The following CDKAL1 variants were observed in gnomAD, a reference collection of about 807,000 sequenced individuals.
CDKAL1 encodes the protein CDKAL1 threonylcarbamoyladenosine tRNA methylthiotransferase.
CDKAL1 carries 32 observed loss-of-function variants against 68.2 expected under a neutral mutation model. The observed-to-expected ratio is 0.47, with a 90% CI of 0.35 to 0.63. CDKAL1 has a LOEUF of 0.63. Ranked by LOEUF, CDKAL1 falls within the 30% of genes least tolerant of loss-of-function variation. The pLI, the probability that CDKAL1 is intolerant of heterozygous loss-of-function variation, is 0.00. For missense variants in CDKAL1, 606 were observed against 696.7 expected, an observed-to-expected ratio of 0.87 and a Z score of 1.47; for synonymous variants, 234 against 244.3, an observed-to-expected ratio of 0.96 and a Z score of 0.39.
chr6:20,788,054 G>A (rs952614293), intron 8 of CDKAL1, among the ~76,000 whole-genome samples: 1 of 152,110 alleles, frequency 6.6e-6, no homozygotes, highest in African/African-American at 2.4e-5. Flanking sequence ...TGTCTTTTAT[G>A]CTATTAACTA....
chr6:20,684,128 A>C (rs557590346), intron 5 of CDKAL1, among the ~76,000 whole-genome samples: 2 of 152,270 alleles, frequency 1.3e-5, no homozygotes, highest in Non-Finnish European at 2.9e-5. Context: ...GGTTGTTTCT[A>C]AGTTTTGGCA....
chr6:20,833,966 C>T (rs947858942), intron 8 of CDKAL1, among the ~76,000 whole-genome samples: 4 of 152,166 alleles, frequency 2.6e-5, no homozygotes, highest in Non-Finnish European at 5.9e-5. Flanking sequence ...TCAGCACAGA[C>T]TTCCTGAATG....
intron 9 of CDKAL1, among the ~76,000 whole-genome samples, chr6:20,861,743 C>A (rs1164602252): frequency 2.0e-5 from 3 of 152,158 alleles, no homozygotes; most frequent in Non-Finnish European, 4.4e-5. Context: ...TGTGCTGGGG[C>A]TTGTTCTTGT....
intron 8 of CDKAL1, among the ~76,000 whole-genome samples, chr6:20,826,724 T>C (rs557758329): frequency 8.5e-5 from 13 of 152,208 alleles, no homozygotes; most frequent in Non-Finnish European, 1.6e-4. Flanking sequence ...GAAGCTTATA[T>C]GTTGAAAATC....
intron 5 of CDKAL1, among the ~76,000 whole-genome samples, chr6:20,672,334 G>A (rs1032744059): frequency 7.7e-6 from 1 of 129,424 alleles, no homozygotes; most frequent in Non-Finnish European, 1.6e-5. Flanking sequence ...TTCTCTCTCT[G>A]TCTCTCTCTC....
intron 5 of CDKAL1, among the ~76,000 whole-genome samples, chr6:20,657,051 A>G (rs2127767210): frequency 6.6e-6 from 1 of 152,304 alleles, no homozygotes; most frequent in South Asian, 2.1e-4. Context: ...TGACATTTAT[A>G]CATATAAAAT....
At chr6:20,766,551 T>C (rs1774712652) in intron 7 of CDKAL1, among the ~76,000 whole-genome samples, 1 of 152,180 alleles carries the variant, frequency 6.6e-6, no homozygotes, top group East Asian at 1.9e-4. Context: ...TGCCTACTCT[T>C]AATTACACTT....
intron 8 of CDKAL1, among the ~76,000 whole-genome samples, chr6:20,842,872 C>T (rs1366760568): frequency 6.6e-6 from 1 of 152,158 alleles, no homozygotes; most frequent in Non-Finnish European, 1.5e-5. Flanking sequence ...ATCATGTCAA[C>T]AACTATAATT....
chr6:20,536,966 G>C (rs1763198064), intron 2 of CDKAL1, among the ~76,000 whole-genome samples: 1 of 152,182 alleles, frequency 6.6e-6, no homozygotes, highest in African/African-American at 2.4e-5. Flanking sequence ...AAAAGATATT[G>C]ATGCCCAGGC....
chr6:21,088,852 G>A (rs1293981614), intron 12 of CDKAL1, among the ~76,000 whole-genome samples: 1 of 152,188 alleles, frequency 6.6e-6, no homozygotes, highest in Non-Finnish European at 1.5e-5. Flanking sequence ...TGAGGTGGGA[G>A]AAGCACTTGA....
chr6:20,860,649 C>A (rs927324554), intron 9 of CDKAL1, among the ~76,000 whole-genome samples: 3 of 151,850 alleles, frequency 2.0e-5, no homozygotes, highest in African/African-American at 4.8e-5. Context: ...CATGGTGAAA[C>A]CCCTTCCCTA....
chr6:21,104,868 C>T (rs1773768946), intron 12 of CDKAL1, among the ~76,000 whole-genome samples: 1 of 152,118 alleles, frequency 6.6e-6, no homozygotes, highest in Non-Finnish European at 1.5e-5. Context: ...AAATCAAAAC[C>T]TACATTAAGT....
chr6:20,734,704 A>G (rs752901097), intron 5 of CDKAL1, among the ~76,000 whole-genome samples: 18 of 152,294 alleles, frequency 1.2e-4, no homozygotes, highest in Non-Finnish European at 2.5e-4. Flanking sequence ...TTAGAATTTT[A>G]AAGCCAAATT....
chr6:20,538,209 T>G (rs1350349325), intron 2 of CDKAL1, among the ~76,000 whole-genome samples: 1 of 152,064 alleles, frequency 6.6e-6, no homozygotes, highest in African/African-American at 2.4e-5. Context: ...TTGTTGTTAG[T>G]GTGGTTGAGC....
At chr6:20,675,324 T>C (rs2127785290) in intron 5 of CDKAL1, among the ~76,000 whole-genome samples, 1 of 152,338 alleles carries the variant, frequency 6.6e-6, no homozygotes, top group South Asian at 2.1e-4. Context: ...TCTGGTCCTT[T>C]TGCTTTTTTG....
Position 20,739,599 on chromosome 6 carries a change from G to T in CDKAL1, c.452G>T (p.Gly151Val). The T allele has an allele frequency of 6.2e-7, 1 of 1,608,848 alleles. No individual in the cohort carries two copies. The highest frequency in any genetic ancestry group is 1.1e-5 in the South Asian group (1 of 90,736). ...QAQPRQDYLK[G>V]LSIIGVQQID... Reference sequence around the variant, plus strand: ...CAGCCTCGCCAGGACTACCTTAAGGGACTGAGTATCATTGGGGTAAGCTTG... The same window carrying T: ...CAGCCTCGCCAGGACTACCTTAAGGTACTGAGTATCATTGGGGTAAGCTTG... Residue 151 changes from glycine to valine, a missense_variant, in exon 6 of 16, where the codon GGA (glycine) becomes GTA (valine). Transcript: ENST00000274695.
chr6:20,754,581 G>A (rs1467051354), intron 6 of CDKAL1, among the ~76,000 whole-genome samples: 1 of 151,998 alleles, frequency 6.6e-6, no homozygotes, highest in Non-Finnish European at 1.5e-5. Flanking sequence ...ATATTTATTG[G>A]CCATAAGTAT....
intron 5 of CDKAL1, among the ~76,000 whole-genome samples, chr6:20,706,051 G>C (rs1771579382): frequency 6.6e-6 from 1 of 152,174 alleles, no homozygotes; most frequent in South Asian, 2.1e-4. Flanking sequence ...CCAAGGTGAT[G>C]ATGAGGGCCG....
chr6:21,060,560 T>C (rs764232940), intron 11 of CDKAL1, among the ~76,000 whole-genome samples: 165 of 152,228 alleles, frequency 1.1e-3, no homozygotes, highest in Non-Finnish European at 2.1e-3. Flanking sequence ...ATTTTCTTTA[T>C]TTGTCTTTTC....
Sources: gnomAD v4.1 joint callset for allele counts (sites outside exome capture counted in the v4.1 genomes callset) on GRCh38, gnomAD v4.1.1 for gene constraint, MANE v1.5 for transcripts, NCBI Gene and HGNC (gene_info 2026-07-23, HGNC 2026-07-21) for gene names.